Variants in CASTOR2 observed in about 807,000 individuals in gnomAD.
CASTOR2 encodes the protein GATS protein like 2.
In CASTOR2, 8 loss-of-function variants were observed where a neutral mutation model predicts 31.2. The ratio of observed to expected loss-of-function variants is 0.26; its 90% CI spans 0.15 to 0.46. The LOEUF (loss-of-function observed/expected upper bound fraction) is 0.46, where lower values mean the gene tolerates loss of function less well. CASTOR2 is among the 20% of genes least tolerant of loss of function. CASTOR2 has a pLI of 0.99. For synonymous variants in CASTOR2, 162 were observed against 158.7 expected, an observed-to-expected ratio of 1.02 and a Z score of -0.16; for missense variants, 216 against 382.1, an observed-to-expected ratio of 0.57 and a Z score of 3.62.
chr7:75,001,389 G>GT (rs1466664807), intron 1 of CASTOR2, among the ~76,000 whole-genome samples: 3 of 152,090 alleles, frequency 2.0e-5, no homozygotes, highest in African/African-American at 7.2e-5. Context: ...CCCACCTGGA[G>GT]TTTTTTAACA....
chr7:75,028,202 C>A lies in CASTOR2; in HGVS notation c.*3503C>A. On this transcript the variant is annotated 3_prime_UTR_variant, in exon 9 of 9. Transcript: ENST00000616305. ...GCATGATCTCAGCTCACTGCAGCAA[C>A]CTCCACTTCCTGGGTTCAAGCGAGT... The A allele has an allele frequency of 1.1e-6, 1 of 890,910 alleles. No individual in the cohort carries two copies. The highest frequency in any genetic ancestry group is 1.6e-6 in the Non-Finnish European group (1 of 608,322). The allele number at this position is 890,910 out of a possible 1,614,324, so 55.2% of individuals were successfully genotyped here. A position where few individuals can be genotyped will look rare whatever the true frequency, so the allele number is the denominator to read the frequency against.
chr7:75,023,940 C>T (rs1383889572), intron 7 of CASTOR2, among the ~76,000 whole-genome samples: 2 of 152,134 alleles, frequency 1.3e-5, no homozygotes, highest in Admixed American at 6.5e-5. Context: ...CACTGGCCAG[C>T]GACCAGAGAA....
chr7:75,025,691 G>C lies in CASTOR2; in HGVS notation c.*992G>C, dbSNP rs1264328623. On this transcript the variant is annotated 3_prime_UTR_variant, in exon 9 of 9. Coordinates refer to ENST00000616305, the MANE Select transcript of CASTOR2 (RefSeq NM_001145064.3). ...GCATTCATGAGTACTTGACCCAGGA[G>C]GCAGCTTAACTGAGCCTTAATAGAG... Among the ~76,000 whole-genome samples, 4 of 152,264 alleles carry C rather than the reference G, an allele frequency of 2.6e-5. No homozygotes were observed. The highest frequency in any genetic ancestry group is 1.5e-5 in the Non-Finnish European group (1 of 68,048).
chr7:74,986,158 G>A (rs1309699269), intron 1 of CASTOR2, among the ~76,000 whole-genome samples: 5 of 150,704 alleles, frequency 3.3e-5, no homozygotes, highest in African/African-American at 1.2e-4. Flanking sequence ...TTGAACTCCT[G>A]ACCTCAAGTG....
chr7:75,019,850 A>G (rs1406804215), intron 5 of CASTOR2, among the ~76,000 whole-genome samples, 189 bp from the exon 6 acceptor site: 5 of 152,202 alleles, frequency 3.3e-5, no homozygotes, highest in African/African-American at 1.2e-4. Flanking sequence ...AGTACTGCAA[A>G]GTGTAGCACC....
intron 1 of CASTOR2, among the ~76,000 whole-genome samples, chr7:74,981,697 G>C (rs1326287696): frequency 2.0e-5 from 3 of 151,294 alleles, no homozygotes; most frequent in Non-Finnish European, 4.4e-5. Flanking sequence ...AAAGTGCTGG[G>C]ATTACAAGTA....
intron 6 of CASTOR2, among the ~76,000 whole-genome samples, chr7:75,020,545 C>T (rs1310261734): frequency 2.0e-5 from 3 of 150,644 alleles, no homozygotes; most frequent in Non-Finnish European, 2.9e-5. Context: ...GGCTGGAGTG[C>T]AGTGGCACTA....
At chr7:74,999,602 T>C (rs1171395623) in intron 1 of CASTOR2, among the ~76,000 whole-genome samples, 5 of 18,926 alleles carry the variant, frequency 2.6e-4, no homozygotes, top group African/African-American at 7.1e-4. Flanking sequence ...CACTCACTGC[T>C]TTTTTTTTTT....
At chr7:75,022,446 A>T (rs1434709286) in intron 7 of CASTOR2, among the ~76,000 whole-genome samples, 1 of 95,102 alleles carries the variant, frequency 1.1e-5, no homozygotes, top group Non-Finnish European at 2.3e-5. Flanking sequence ...TCAAGGCTAC[A>T]GTGAGCCATG....
At chr7:75,014,419 C>CAAAAAAAA (rs1193842037) in intron 2 of CASTOR2, among the ~76,000 whole-genome samples, 44 of 57,548 alleles carry the variant, frequency 7.6e-4, no homozygotes, top group African/African-American at 1.0e-3. Context: ...ACTAAAAATA[C>CAAAAAAAA]AAAAAAAAAA....
Position 75,024,747 on chromosome 7 carries a change from C to T in CASTOR2, c.*48C>T. The T allele has an allele frequency of 1.3e-6, 2 of 1,551,520 alleles. No individual in the cohort carries two copies. The highest frequency in any genetic ancestry group is 2.4e-5 in the East Asian group (1 of 40,918). On this transcript the variant is annotated 3_prime_UTR_variant, in exon 9 of 9. Transcript: ENST00000616305. ...TGCCGCCGCCCGGGCCCAGCCCTAA[C>T]CCTGAAGATTGATCTTGCAGTATTT...
chr7:74,976,568 C>CTCA (rs1554435745), intron 1 of CASTOR2, among the ~76,000 whole-genome samples: 16 of 108,888 alleles, frequency 1.5e-4, no homozygotes, highest in South Asian at 3.1e-4. Flanking sequence ...CCTCCTCCTC[C>CTCA]TCACCATCAT....
intron 5 of CASTOR2, 79 bp downstream of exon 5, chr7:75,019,174 G>A (rs1282634465): frequency 6.3e-5 from 98 of 1,549,230 alleles, no homozygotes; most frequent in Admixed American, 7.8e-5. Context: ...TTAGTCTGAC[G>A]GGGGAGGCTT....
intron 1 of CASTOR2, among the ~76,000 whole-genome samples, chr7:74,989,634 T>C (rs1204677272): frequency 6.6e-6 from 1 of 151,048 alleles, no homozygotes; most frequent in Non-Finnish European, 1.5e-5. Flanking sequence ...CAGGCTGGTC[T>C]TGAACTCCCG....
chr7:74,977,371 G>C (rs1554435857), intron 1 of CASTOR2, among the ~76,000 whole-genome samples: 1 of 150,812 alleles, frequency 6.6e-6, no homozygotes, highest in Non-Finnish European at 1.5e-5. Context: ...GTGCTAAATT[G>C]AAACTTTTTG....
rs1454879623 is a variant in CASTOR2, at chr7:75,028,068, T to C, written c.*3369T>C. The C allele has an allele frequency of 2.8e-5, 43 of 1,532,582 alleles. No individual in the cohort carries two copies. The South Asian group carries it at 5.1e-4, about 18-fold the overall frequency. The allele number at this position is 1,532,582 out of a possible 1,614,324, so 94.9% of individuals were successfully genotyped here. ...GGCCTGTTGTCTTGGCGCTGGCGGA[T>C]GGGGCAGGTGCCTGGCGGGGGAGGA... On this transcript the variant is annotated 3_prime_UTR_variant, in exon 9 of 9. Coordinates refer to ENST00000616305, the MANE Select transcript of CASTOR2 (RefSeq NM_001145064.3).
intron 1 of CASTOR2, among the ~76,000 whole-genome samples, chr7:75,005,346 G>A (rs1429883679): frequency 2.6e-5 from 4 of 152,112 alleles, no homozygotes; most frequent in Admixed American, 2.0e-4. Flanking sequence ...ATACAGTATA[G>A]AATCTTTTGA....
intron 1 of CASTOR2, among the ~76,000 whole-genome samples, chr7:74,965,850 TCACACACACACACACACACA>T (rs1177991219): frequency 9.4e-5 from 1 of 10,648 alleles, no homozygotes; most frequent in Non-Finnish European, 1.6e-4. Context: ...AAAGAGGGAA[TCACACACACACACACACACA>T]CACACACACA....
chr7:75,011,535 C>G (rs1183974840), intron 2 of CASTOR2, among the ~76,000 whole-genome samples: 2 of 151,554 alleles, frequency 1.3e-5, no homozygotes, highest in African/African-American at 4.9e-5. Context: ...GAGATTGAGA[C>G]CATCCTGGCT....
Sources: allele counts gnomAD v4.1 joint callset (sites outside exome capture counted in the v4.1 genomes callset), GRCh38; gene constraint gnomAD v4.1.1; transcripts MANE v1.5; gene names NCBI Gene and HGNC (gene_info 2026-07-23, HGNC 2026-07-21).